The following SORCS1 variants were observed in gnomAD, a reference collection of about 807,000 sequenced individuals.
SORCS1 encodes the protein VPS10 domain-containing receptor SorCS1.
In SORCS1, 60 loss-of-function variants were observed where a neutral mutation model predicts 146.1. The ratio of observed to expected loss-of-function variants is 0.41; its 90% CI spans 0.33 to 0.51. The LOEUF is 0.51. SORCS1 is among the 20% of genes least tolerant of loss of function. The probability of loss-of-function intolerance (pLI) is 0.21; values close to 1 mark genes in which losing one functional copy is unlikely to be tolerated. For synonymous variants in SORCS1, 637 were observed against 584.0 expected, an observed-to-expected ratio of 1.09 and a Z score of -1.31; for missense variants, 1,352 against 1,487.6, an observed-to-expected ratio of 0.91 and a Z score of 1.50.
intron 1 of SORCS1, among the ~76,000 whole-genome samples, chr10:107,156,392 T>C (rs894200409): frequency 1.3e-5 from 2 of 152,184 alleles, no homozygotes; most frequent in African/African-American, 2.4e-5. Context: ...ACGTAGTTCA[T>C]AAAGGTGTCG....
Position 106,808,032 on chromosome 10 carries a change from A to AT in SORCS1, c.726+21541dup, listed in dbSNP as rs199594825. 6.5e-3 allele frequency among the ~76,000 whole-genome samples: 984 copies of AT among 152,020 alleles called. 13 individuals are homozygous for AT. The highest frequency in any genetic ancestry group is 0.022 in the African/African-American group (901 of 41,466). On this transcript the variant is annotated intron_variant, in intron 3 of 25. Coordinates refer to ENST00000263054, the MANE Select transcript of SORCS1 (RefSeq NM_052918.5). ...AGTGACTCTATTTTTATTTATTTTT[A>AT]TTTTTTTGATGGAGTTTCGCTCTTG...
At chr10:107,044,814 T>TAAAAAAAAAAAAAAAA (rs71025575) in intron 1 of SORCS1, among the ~76,000 whole-genome samples, 1 of 90,288 alleles carries the variant, frequency 1.1e-5, no homozygotes. Flanking sequence ...TGTGTCTCAA[T>TAAAAAAAAAAAAAAAA]AAAAAAAAAA....
chr10:107,030,134 T>C (rs77930281), intron 1 of SORCS1, among the ~76,000 whole-genome samples: 4,806 of 152,292 alleles, frequency 0.032, 213 homozygotes, highest in African/African-American at 0.1. Flanking sequence ...CATGTTGCTT[T>C]TTAAGTTTTA....
chr10:106,907,623 T>A (rs1951965261), intron 2 of SORCS1, among the ~76,000 whole-genome samples: 1 of 152,128 alleles, frequency 6.6e-6, no homozygotes. Context: ...TATCCATGAA[T>A]AATGTTAAAA....
chr10:106,950,355 C>G (rs142752268), intron 2 of SORCS1, among the ~76,000 whole-genome samples: 126 of 152,314 alleles, frequency 8.3e-4, no homozygotes, highest in African/African-American at 2.8e-3. Context: ...GGTCAACAGC[C>G]TCTTGGCCTC....
chr10:106,751,227 AGAAACGC>A (rs1465760624), intron 5 of SORCS1, among the ~76,000 whole-genome samples: 45 of 152,246 alleles, frequency 3.0e-4, no homozygotes, highest in East Asian at 1.9e-4. Context: ...TGCAGGCACT[AGAAACGC>A]CTCAGTAGAC....
intron 3 of SORCS1, among the ~76,000 whole-genome samples, chr10:106,799,517 C>G (rs1946759823): frequency 6.6e-6 from 1 of 152,094 alleles, no homozygotes; most frequent in Admixed American, 6.5e-5. Context: ...CTACAAAGAA[C>G]TCAAACAAAC....
At chr10:106,938,773 C>T (rs1377918157) in intron 2 of SORCS1, among the ~76,000 whole-genome samples, 1 of 152,212 alleles carries the variant, frequency 6.6e-6, no homozygotes, top group Non-Finnish European at 1.5e-5. Flanking sequence ...AGCATCAGAA[C>T]ATCAACCCCT....
At chr10:107,076,691 G>C (rs1213521249) in intron 1 of SORCS1, among the ~76,000 whole-genome samples, 1 of 152,102 alleles carries the variant, frequency 6.6e-6, no homozygotes, top group Non-Finnish European at 1.5e-5. Flanking sequence ...CTCTTTGTGG[G>C]TAAATTAAGG....
the SORCS1 span, among the ~76,000 whole-genome samples, chr10:107,180,787 T>C: frequency 6.6e-6 from 1 of 152,194 alleles, no homozygotes; most frequent in Non-Finnish European, 1.5e-5. Flanking sequence ...GGATAGGTTC[T>C]CAGAAATGCT....
intron 1 of SORCS1, among the ~76,000 whole-genome samples, chr10:107,137,225 A>T (rs1434981499): frequency 6.6e-6 from 1 of 152,178 alleles, no homozygotes; most frequent in Non-Finnish European, 1.5e-5. Context: ...CTTGGGTGTT[A>T]TGTAGGCACT....
Position 106,585,223 on chromosome 10 carries a change from C to CAAA in SORCS1, c.3266-5752_3266-5750dup, listed in dbSNP as rs202057062. On this transcript the variant is annotated intron_variant, in intron 24 of 25. Transcript: ENST00000263054. ...TAGGCAACAGAGTGAGACTCTGTCTCAAAAAAAAAAAAAAATGTATAGTCT... is the reference window on the plus strand; with the variant it reads ...TAGGCAACAGAGTGAGACTCTGTCTCAAAAAAAAAAAAAAAAAATGTATAGTCT... Among the ~76,000 whole-genome samples, 282 of 112,272 alleles carry CAAA rather than the reference C, an allele frequency of 2.5e-3. 1 individual carries two copies. Among genetic ancestry groups the CAAA allele is most frequent in the African/African-American group, 8.5e-3 (267 of 31,582 alleles). The allele number at this position is 112,272 out of a possible 152,430, so 73.7% of individuals were successfully genotyped here. A position where few individuals can be genotyped will look rare whatever the true frequency, so the allele number is the denominator to read the frequency against.
At position 107,007,181 on chromosome 10, in the gene SORCS1, G is replaced by A. The variant is rs557774021; in HGVS notation, c.559-50601C>T. Among the ~76,000 whole-genome samples, 9 of 152,314 alleles carry A rather than the reference G, an allele frequency of 5.9e-5. No individual in the cohort carries two copies. In the South Asian group the frequency reaches 1.9e-3, roughly 32 times the overall value. On this transcript the variant is annotated intron_variant, in intron 1 of 25. Coordinates refer to ENST00000263054, the MANE Select transcript of SORCS1 (RefSeq NM_052918.5). ...ACTATGAAAGTGGTAACTGTGTGTG[G>A]TGATTAAAGACAGTCACACATTCTT...
At chr10:106,994,757 T>G (rs1956922786) in intron 1 of SORCS1, among the ~76,000 whole-genome samples, 1 of 152,186 alleles carries the variant, frequency 6.6e-6, no homozygotes. Flanking sequence ...CATTCTGAAA[T>G]GGTGCTGAAT....
chr10:106,741,131 G>A (rs1857330724), intron 5 of SORCS1, among the ~76,000 whole-genome samples: 1 of 152,172 alleles, frequency 6.6e-6, no homozygotes, highest in South Asian at 2.1e-4. Context: ...CAGGCTTCCA[G>A]AGAGCAAATA....
chr10:106,672,683 A>G (rs1851696980), intron 15 of SORCS1, among the ~76,000 whole-genome samples, 185 bp downstream of exon 15: 1 of 152,206 alleles, frequency 6.6e-6, no homozygotes, highest in African/African-American at 2.4e-5. Context: ...TAAAAACAGA[A>G]ATGACTTCAC....
Position 106,677,327 on chromosome 10 carries a change from T to C in SORCS1, c.1818A>G (p.Pro606=). 2 of 1,613,866 alleles carry C rather than the reference T, an allele frequency of 1.2e-6. No homozygotes were observed. Among genetic ancestry groups the C allele is most frequent in the Non-Finnish European group, 1.7e-6 (2 of 1,179,834 alleles). Residue 606 remains proline (P), a synonymous_variant, in exon 13 of 26, where the codon CCA becomes CCG. Transcript: ENST00000263054. The part of the protein sequence containing the change: ...VLVAMKHTSL[P]IRHLWLSFDE... ...TGTGCCCTTACCAAAGATGTCGAAT[T>C]GGGAGAGATGTGTGTTTCATAGCAA...
intron 16 of SORCS1, among the ~76,000 whole-genome samples, chr10:106,669,766 A>G (rs1851446694): frequency 6.6e-6 from 1 of 152,204 alleles, no homozygotes; most frequent in Admixed American, 6.5e-5. Flanking sequence ...GCCCAAAGAG[A>G]TACTTCATTC....
At chr10:106,655,399 C>T (rs755407170) in intron 17 of SORCS1, among the ~76,000 whole-genome samples, 7 of 152,010 alleles carry the variant, frequency 4.6e-5, no homozygotes, top group African/African-American at 1.5e-4. Context: ...AGAGGCAAGG[C>T]ACTGTGCAAA....
Sources: gnomAD v4.1 joint callset for allele counts (sites outside exome capture counted in the v4.1 genomes callset) on GRCh38, gnomAD v4.1.1 for gene constraint, MANE v1.5 for transcripts, NCBI Gene and HGNC (gene_info 2026-07-23, HGNC 2026-07-21) for gene names.